The following SLC30A9 variants were observed in gnomAD, a reference collection of about 807,000 sequenced individuals.
SLC30A9 encodes the protein proton-coupled zinc antiporter SLC30A9, mitochondrial.
SLC30A9 carries 58 observed loss-of-function variants against 87.5 expected under a neutral mutation model. The ratio of observed to expected loss-of-function variants is 0.66; its 90% CI spans 0.54 to 0.82. The LOEUF is 0.82. Among genes scored for constraint, SLC30A9 ranks in the 40% least tolerant of loss-of-function variants. SLC30A9 has a pLI of 0.00. For missense variants in SLC30A9, 557 were observed against 679.1 expected (o/e 0.82, Z 2.00); for synonymous variants, 234 against 233.0 (o/e 1.00, Z -0.04).
intron 11 of SLC30A9, among the ~76,000 whole-genome samples, 187 bp from the exon 12 acceptor site, chr4:42,065,123 C>T (rs1414102965): frequency 6.6e-6 from 1 of 152,006 alleles, no homozygotes; most frequent in Non-Finnish European, 1.5e-5. Context: ...GTGTCTACCA[C>T]TCCTGATATC....
At chr4:41,999,958 A>G (rs1714906173) in intron 1 of SLC30A9, among the ~76,000 whole-genome samples, 1 of 152,162 alleles carries the variant, frequency 6.6e-6, no homozygotes, top group Admixed American at 6.5e-5. Context: ...CTTCAAATTA[A>G]TATTGGTGCA....
At chr4:42,075,051 ATATATATATTTTTTTTTTTTTT>A (rs1718484657) in intron 15 of SLC30A9, among the ~76,000 whole-genome samples, 1 of 24,070 alleles carries the variant, frequency 4.2e-5, no homozygotes, top group African/African-American at 1.7e-4. Flanking sequence ...ATATATATAT[ATATATATATTTTTTTTTTTTTT>A]TTTTTTTTTT....
At chr4:42,007,562 T>A (rs542103259) in intron 2 of SLC30A9, among the ~76,000 whole-genome samples, 1 of 151,332 alleles carries the variant, frequency 6.6e-6, no homozygotes, top group East Asian at 2.0e-4. Flanking sequence ...CCATCCTGGC[T>A]AACCCGGTGA....
At chr4:42,016,727 A>C (rs1197635329) in intron 2 of SLC30A9, among the ~76,000 whole-genome samples, 1 of 152,172 alleles carries the variant, frequency 6.6e-6, no homozygotes, top group Non-Finnish European at 1.5e-5. Context: ...AAAAGCTCAA[A>C]GAAAGATGGC....
intron 14 of SLC30A9, among the ~76,000 whole-genome samples, chr4:42,068,117 G>C (rs759191356): frequency 2.2e-4 from 33 of 151,904 alleles, no homozygotes; most frequent in Non-Finnish European, 4.0e-4. Context: ...ATTTTACATA[G>C]TTTTTATTAA....
At chr4:42,037,194 C>T (rs1424810332) in intron 7 of SLC30A9, among the ~76,000 whole-genome samples, 5 of 144,152 alleles carry the variant, frequency 3.5e-5, no homozygotes, top group African/African-American at 1.3e-4. Context: ...TGCTTTCCTT[C>T]TCTAAAACAT....
chr4:42,067,332 T>C (rs943509520), intron 14 of SLC30A9, 140 bp downstream of exon 14: 1 of 591,822 alleles, frequency 1.7e-6, no homozygotes, highest in Non-Finnish European at 3.0e-6. Context: ...CATTGACTTA[T>C]GTAAGACATT....
chr4:42,003,490 A>T (rs1715070204), intron 2 of SLC30A9, among the ~76,000 whole-genome samples: 1 of 152,128 alleles, frequency 6.6e-6, no homozygotes, highest in Non-Finnish European at 1.5e-5. Context: ...TTAGATACAT[A>T]CATATTTAGA....
chr4:42,006,223 C>T (rs1163115607), intron 2 of SLC30A9, among the ~76,000 whole-genome samples: 1 of 152,164 alleles, frequency 6.6e-6, no homozygotes. Flanking sequence ...TTGGTATCTA[C>T]AGGGAGGTCC....
At chr4:42,006,226 G>T (rs9884564) in intron 2 of SLC30A9, among the ~76,000 whole-genome samples, 92,202 of 152,090 alleles carry the variant, frequency 0.61, 33,370 homozygotes, top group East Asian at 0.95. Context: ...GTATCTACAG[G>T]GAGGTCCTGG....
chr4:42,029,659 G>T, intron 6 of SLC30A9: 1 of 749,246 alleles, frequency 1.3e-6, no homozygotes, highest in Admixed American at 1.8e-5. Flanking sequence ...GCGAAAGTCT[G>T]CAGATTCAAG....
chr4:42,052,521 G>C (rs186715185), intron 9 of SLC30A9, among the ~76,000 whole-genome samples: 1 of 152,374 alleles, frequency 6.6e-6, no homozygotes, highest in East Asian at 1.9e-4. Flanking sequence ...AATTAGGACA[G>C]TGAGTTACTG....
intron 12 of SLC30A9, among the ~76,000 whole-genome samples, chr4:42,065,641 A>C (rs936828454): frequency 6.6e-6 from 1 of 152,218 alleles, no homozygotes; most frequent in African/African-American, 2.4e-5. Context: ...GTAGGTGACT[A>C]TCAGATAGAT....
chr4:42,011,237 CAG>C (rs776830749), intron 2 of SLC30A9, among the ~76,000 whole-genome samples: 6 of 152,138 alleles, frequency 3.9e-5, no homozygotes, highest in African/African-American at 9.7e-5. Flanking sequence ...TAAGTGCAAA[CAG>C]GGGAAATGCA....
intron 1 of SLC30A9, among the ~76,000 whole-genome samples, chr4:41,999,674 A>T (rs2153132718): frequency 6.6e-6 from 1 of 152,194 alleles, no homozygotes; most frequent in South Asian, 2.1e-4. Context: ...CAACATAAAA[A>T]TTGCAGTTAA....
chr4:42,010,810 T>TA (rs1421339424), intron 2 of SLC30A9, among the ~76,000 whole-genome samples: 1 of 152,086 alleles, frequency 6.6e-6, no homozygotes, highest in Admixed American at 6.6e-5. Context: ...ATAGTTGGAC[T>TA]AAAAAAAGAC....
intron 6 of SLC30A9, chr4:42,029,228 A>G (rs1716317298): frequency 2.3e-6 from 1 of 433,828 alleles, no homozygotes; most frequent in East Asian, 5.8e-5. Context: ...AGGAAAGCCA[A>G]TGAGGAGGGC....
At chr4:42,063,750 C>CT (rs200192637) in intron 11 of SLC30A9, among the ~76,000 whole-genome samples, 23 of 151,748 alleles carry the variant, frequency 1.5e-4, no homozygotes, top group Admixed American at 3.9e-4. Flanking sequence ...TTAAAACTGT[C>CT]TTTTTTTTTC....
At chr4:42,055,921 G>A (rs573779620) in intron 9 of SLC30A9, among the ~76,000 whole-genome samples, 16 of 152,260 alleles carry the variant, frequency 1.1e-4, no homozygotes, top group South Asian at 1.0e-3. Context: ...GTTAATGTTC[G>A]TTATGCTGCA....
Sources: allele counts gnomAD v4.1 joint callset (sites outside exome capture counted in the v4.1 genomes callset), GRCh38; gene constraint gnomAD v4.1.1; transcripts MANE v1.5; gene names NCBI Gene and HGNC (gene_info 2026-07-23, HGNC 2026-07-21).